Variants in SHISA9 observed in about 807,000 individuals in gnomAD.
The protein encoded by SHISA9 is protein shisa-9.
In SHISA9, 13 loss-of-function variants were observed where a neutral mutation model predicts 38.0. The ratio of observed to expected loss-of-function variants is 0.34; its 90% CI spans 0.22 to 0.54. SHISA9 has a LOEUF of 0.54. Ranked by LOEUF, SHISA9 falls within the 20% of genes least tolerant of loss-of-function variation. The pLI, the probability that SHISA9 is intolerant of heterozygous loss-of-function variation, is 0.91. For missense variants in SHISA9, 538 were observed against 575.8 expected, an observed-to-expected ratio of 0.93 and a Z score of 0.67; for synonymous variants, 275 against 242.0, an observed-to-expected ratio of 1.14 and a Z score of -1.27.
chr16:13,156,933 A>G (rs977536587), intron 2 of SHISA9, among the ~76,000 whole-genome samples: 1 of 152,068 alleles, frequency 6.6e-6, no homozygotes, highest in Non-Finnish European at 1.5e-5. Flanking sequence ...GAAGAAACAC[A>G]TTTACTGAGT....
intron 3 of SHISA9, among the ~76,000 whole-genome samples, chr16:13,210,395 A>G (rs1173761722): frequency 1.3e-5 from 2 of 152,200 alleles, no homozygotes; most frequent in Admixed American, 6.5e-5. Flanking sequence ...ATGTACCAGC[A>G]TCATTGATAA....
the SHISA9 span, among the ~76,000 whole-genome samples, chr16:13,424,932 G>A: frequency 6.6e-6 from 1 of 152,120 alleles, no homozygotes; most frequent in Non-Finnish European, 1.5e-5. Flanking sequence ...CCCAGGCCAG[G>A]AGAGGAAAGT....
At chr16:13,417,347 T>A in the SHISA9 span, among the ~76,000 whole-genome samples, 1 of 152,134 alleles carries the variant, frequency 6.6e-6, no homozygotes, top group Non-Finnish European at 1.5e-5. Context: ...TTTCTCTTTT[T>A]GTCACTTGCG....
the SHISA9 span, among the ~76,000 whole-genome samples, chr16:13,431,957 A>C: frequency 1.4e-3 from 212 of 152,294 alleles, no homozygotes; most frequent in African/African-American, 4.8e-3. Flanking sequence ...GCTACTCAGG[A>C]GGCTGAGGCA....
At chr16:13,413,974 A>G in the SHISA9 span, among the ~76,000 whole-genome samples, 2 of 152,120 alleles carry the variant, frequency 1.3e-5, no homozygotes, top group African/African-American at 4.8e-5. Flanking sequence ...GCTGGAACCA[A>G]TGTCAACTGC....
the SHISA9 span, among the ~76,000 whole-genome samples, chr16:13,328,548 A>T: frequency 6.6e-6 from 1 of 151,364 alleles, no homozygotes; most frequent in East Asian, 1.9e-4. Context: ...GAGTAGCTAG[A>T]ATTACAGGTG....
chr16:12,934,302 A>G lies in SHISA9; in HGVS notation c.691+17487A>G, dbSNP rs997958719. Among the ~76,000 whole-genome samples, 28 of 152,346 alleles carry G rather than the reference A, an allele frequency of 1.8e-4. 1 individual carries two copies. Among genetic ancestry groups the G allele is most frequent in the South Asian group, 1.0e-3 (5 of 4,834 alleles). ...TTTATACATGTCCTATTGTGTGTCAATGCTTGACCTGACCATCCAATAATG... is the reference window on the plus strand; with the variant it reads ...TTTATACATGTCCTATTGTGTGTCAGTGCTTGACCTGACCATCCAATAATG... On this transcript the variant is annotated intron_variant, in intron 2 of 4. Coordinates refer to ENST00000558583, the MANE Select transcript of SHISA9 (RefSeq NM_001145204.3).
intron 2 of SHISA9, among the ~76,000 whole-genome samples, chr16:13,017,553 T>C (rs1007874814): frequency 1.5e-4 from 18 of 121,328 alleles, no homozygotes; most frequent in African/African-American, 4.8e-4. Flanking sequence ...AATGATGATA[T>C]CATCATTATC....
chr16:13,213,270 TGGGCAGTATCGACACTTAAGTCACC>T lies in SHISA9; in HGVS notation c.866_890del (p.Trp289Ter). On this transcript the variant is annotated frameshift_variant, in exon 4 of 5. Transcript: ENST00000558583. LOFTEE classifies it high-confidence loss of function. Reference sequence around the variant, plus strand: ...TTTTTTAGGAAGTTCTGATGGTGACTGGGCAGTATCGACACTTAAGTCACCAAAAGGTACTGTACAGCTTTTTCTA... The same window carrying T: ...TTTTTTAGGAAGTTCTGATGGTGACTAAAAGGTACTGTACAGCTTTTTCTA... The T allele has an allele frequency of 6.4e-7, 1 of 1,551,892 alleles. No individual in the cohort carries two copies. Among genetic ancestry groups the T allele is most frequent in the African/African-American group, 1.4e-5 (1 of 73,176 alleles).
chr16:13,326,785 T>C, the SHISA9 span, among the ~76,000 whole-genome samples: 1 of 152,332 alleles, frequency 6.6e-6, no homozygotes. Flanking sequence ...TATTATATCA[T>C]GTGCCTGTCC....
At chr16:13,223,576 C>T (rs1329816747) in intron 4 of SHISA9, among the ~76,000 whole-genome samples, 1 of 152,156 alleles carries the variant, frequency 6.6e-6, no homozygotes, top group Non-Finnish European at 1.5e-5. Context: ...CTTTCAAGAG[C>T]CTAGTGTAGG....
chr16:13,489,573 A>G, the SHISA9 span, among the ~76,000 whole-genome samples: 5 of 152,090 alleles, frequency 3.3e-5, no homozygotes, highest in Admixed American at 1.3e-4. Context: ...CATGGTAGTG[A>G]ATAAGTCTCA....
chr16:13,152,789 C>T (rs1009703344), intron 2 of SHISA9, among the ~76,000 whole-genome samples: 3 of 152,046 alleles, frequency 2.0e-5, no homozygotes, highest in Admixed American at 6.6e-5. Flanking sequence ...TAATGGGCCC[C>T]CAAAGAGGTG....
At chr16:13,173,669 A>G (rs1679710733) in intron 2 of SHISA9, among the ~76,000 whole-genome samples, 1 of 152,178 alleles carries the variant, frequency 6.6e-6, no homozygotes, top group African/African-American at 2.4e-5. Context: ...AATGCACAGG[A>G]CAGTCCCTTA....
intron 2 of SHISA9, among the ~76,000 whole-genome samples, chr16:12,994,952 T>C (rs2072439440): frequency 6.6e-6 from 1 of 152,126 alleles, no homozygotes; most frequent in Admixed American, 6.5e-5. Flanking sequence ...TGTTTTGGGC[T>C]CACAAGAGAG....
the SHISA9 span, among the ~76,000 whole-genome samples, chr16:13,349,536 A>G: frequency 5.3e-5 from 8 of 152,214 alleles, no homozygotes; most frequent in Non-Finnish European, 2.9e-5. Flanking sequence ...TGCTGCACTC[A>G]CTGATCCACT....
chr16:13,342,768 A>T, the SHISA9 span, among the ~76,000 whole-genome samples: 1 of 152,166 alleles, frequency 6.6e-6, no homozygotes, highest in African/African-American at 2.4e-5. Flanking sequence ...ATTTGCAATC[A>T]CCTGCTTCCA....
At chr16:12,952,964 G>A (rs1483922408) in intron 2 of SHISA9, among the ~76,000 whole-genome samples, 2 of 152,080 alleles carry the variant, frequency 1.3e-5, no homozygotes, top group African/African-American at 2.4e-5. Context: ...GTATGAGGCA[G>A]GCACAGCTCC....
chr16:13,090,480 G>T (rs1048238840), intron 2 of SHISA9, among the ~76,000 whole-genome samples: 1 of 152,128 alleles, frequency 6.6e-6, no homozygotes, highest in Admixed American at 6.6e-5. Flanking sequence ...ATGAATCTGG[G>T]TGCTCCTGTA....
Sources: allele counts gnomAD v4.1 joint callset (sites outside exome capture counted in the v4.1 genomes callset), GRCh38; gene constraint gnomAD v4.1.1; transcripts MANE v1.5; gene names NCBI Gene and HGNC (gene_info 2026-07-23, HGNC 2026-07-21).